The following FSTL5 variants were observed in gnomAD, a reference collection of about 807,000 sequenced individuals.
FSTL5 encodes follistatin-related protein 5.
FSTL5 carries 62 observed loss-of-function variants against 89.1 expected under a neutral mutation model. That is an observed-to-expected ratio of 0.70 (90% CI 0.57 to 0.86). The LOEUF (loss-of-function observed/expected upper bound fraction) is 0.86. Among genes scored for constraint, FSTL5 ranks in the 40% least tolerant of loss-of-function variants. FSTL5 has a pLI of 0.00. For missense variants in FSTL5, 1,057 were observed against 1,001.6 expected (o/e 1.06, Z -0.75); for synonymous variants, 383 against 346.2 (o/e 1.11, Z -1.18).
chr4:161,823,672 A>T (rs1018596613), intron 4 of FSTL5, among the ~76,000 whole-genome samples: 2 of 152,146 alleles, frequency 1.3e-5, no homozygotes, highest in African/African-American at 4.8e-5. Flanking sequence ...CTGCCCTGCA[A>T]ACTTGGTAGG....
intron 3 of FSTL5, among the ~76,000 whole-genome samples, chr4:161,945,289 G>C (rs1578881868): frequency 6.6e-6 from 1 of 152,152 alleles, no homozygotes; most frequent in Non-Finnish European, 1.5e-5. Context: ...TTGTAAAGTT[G>C]TTTTGTGAAA....
intron 6 of FSTL5, among the ~76,000 whole-genome samples, chr4:161,684,560 A>G (rs1166993130): frequency 6.6e-6 from 1 of 152,118 alleles, no homozygotes; most frequent in Non-Finnish European, 1.5e-5. Flanking sequence ...GTCTATTTGC[A>G]TATCTTCTTT....
At chr4:162,031,066 C>A (rs1237970864) in intron 3 of FSTL5, among the ~76,000 whole-genome samples, 1 of 152,110 alleles carries the variant, frequency 6.6e-6, no homozygotes, top group African/African-American at 2.4e-5. Flanking sequence ...TGGTAGTTGA[C>A]CCTTACTTTC....
At chr4:161,944,913 GC>G (rs1237697189) in intron 3 of FSTL5, among the ~76,000 whole-genome samples, 1 of 150,964 alleles carries the variant, frequency 6.6e-6, no homozygotes, top group Admixed American at 6.6e-5. Flanking sequence ...ATATTCAAAG[GC>G]CCCTTAATAA....
chr4:162,011,372 G>C (rs1162038475), intron 3 of FSTL5, among the ~76,000 whole-genome samples: 1 of 152,084 alleles, frequency 6.6e-6, no homozygotes, highest in African/African-American at 2.4e-5. Context: ...AGAGCATATG[G>C]TTTAACATAT....
intron 8 of FSTL5, among the ~76,000 whole-genome samples, chr4:161,544,417 C>T (rs78017426): frequency 0.064 from 9,689 of 151,926 alleles, 975 homozygotes; most frequent in African/African-American, 0.22. Flanking sequence ...ATTTATAAAA[C>T]GTTCACAATG....
chr4:161,701,223 C>G (rs776678260), intron 6 of FSTL5, among the ~76,000 whole-genome samples: 12 of 152,102 alleles, frequency 7.9e-5, no homozygotes, highest in African/African-American at 2.9e-4. Context: ...CATCCTATGC[C>G]TATGCATAAT....
chr4:161,555,859 A>G (rs1560951616), intron 8 of FSTL5, among the ~76,000 whole-genome samples: 2 of 151,594 alleles, frequency 1.3e-5, no homozygotes, highest in African/African-American at 2.4e-5. Flanking sequence ...ACTTAATAAG[A>G]GGAACAGAAA....
intron 4 of FSTL5, among the ~76,000 whole-genome samples, chr4:161,829,533 C>A (rs768195370): frequency 2.4e-4 from 37 of 151,820 alleles, no homozygotes; most frequent in Admixed American, 2.6e-4. Context: ...CATTTCACTT[C>A]AAAATTGTCT....
intron 1 of FSTL5, among the ~76,000 whole-genome samples, chr4:162,146,689 C>G (rs1733003201): frequency 7.4e-6 from 1 of 134,566 alleles, no homozygotes; most frequent in Admixed American, 7.6e-5. Context: ...CCTTCCCTTC[C>G]CTTCCCTTCC....
chr4:161,619,944 G>A (rs1474437406), intron 7 of FSTL5, among the ~76,000 whole-genome samples: 3 of 151,994 alleles, frequency 2.0e-5, no homozygotes, highest in Non-Finnish European at 2.9e-5. Context: ...CAACCCAAAT[G>A]TCCAACAACG....
At chr4:161,478,261 G>T (rs1729364263) in intron 13 of FSTL5, among the ~76,000 whole-genome samples, 1 of 152,026 alleles carries the variant, frequency 6.6e-6, no homozygotes, top group Non-Finnish European at 1.5e-5. Context: ...ACTTATTGAT[G>T]ATAGTTCCTC....
chr4:161,887,424 TATC>T (rs376180898), intron 4 of FSTL5, among the ~76,000 whole-genome samples: 986 of 30,192 alleles, frequency 0.033, 5 homozygotes, highest in East Asian at 0.13. Context: ...TCTATCTATC[TATC>T]ATCTATCTAC....
At chr4:161,898,620 G>A (rs1439897827) in intron 4 of FSTL5, among the ~76,000 whole-genome samples, 1 of 146,442 alleles carries the variant, frequency 6.8e-6, no homozygotes, top group Non-Finnish European at 1.5e-5. Flanking sequence ...TTTGGCATCT[G>A]TATTATATTC....
chr4:161,775,914 G>T lies in FSTL5; in HGVS notation c.570C>A (p.Asp190Glu). 1 of 1,595,480 alleles carries T rather than the reference G, an allele frequency of 6.3e-7. No homozygotes were observed. The highest frequency in any genetic ancestry group is 1.7e-5 in the Admixed American group (1 of 57,300). ...CATTAATATCTACAAGTCCATTACT[G>T]TCTGCATCAAAATATTTAAACATTT... The part of the protein sequence containing the change: ...VDQMFKYFDA[D>E]SNGLVDINEL... Residue 190 changes from aspartate (D) to glutamate (E), a missense_variant, in exon 5 of 16, where the codon GAC becomes GAA. Physicochemically the swap from Asp to Glu is conservative, Grantham distance 45. Transcript: ENST00000306100.
intron 6 of FSTL5, among the ~76,000 whole-genome samples, chr4:161,672,515 T>A (rs1451434730): frequency 1.3e-5 from 2 of 152,106 alleles, no homozygotes; most frequent in Non-Finnish European, 2.9e-5. Flanking sequence ...TTCTCCAACA[T>A]TCATTTCATT....
At chr4:161,740,148 T>C (rs965137669) in intron 6 of FSTL5, among the ~76,000 whole-genome samples, 1 of 152,000 alleles carries the variant, frequency 6.6e-6, no homozygotes, top group Non-Finnish European at 1.5e-5. Flanking sequence ...GCCTCCTGAA[T>C]AGCTGGGATT....
At position 161,840,826 on chromosome 4, in the gene FSTL5, C is replaced by T. The variant is rs111786397; in HGVS notation, c.410-64752G>A. Among the ~76,000 whole-genome samples, 705 of 152,222 alleles carry T rather than the reference C, an allele frequency of 4.6e-3. 6 individuals are homozygous for T. Among genetic ancestry groups the T allele is most frequent in the African/African-American group, 0.016 (658 of 41,534 alleles). ...GTATGAATGAAATGACTCTGAGAAG[C>T]TGCCTTTTCGTCTGACTTCTGGTAG... is the stretch of plus-strand genomic sequence containing the variant. On this transcript the variant is annotated intron_variant, in intron 4 of 15. Coordinates refer to ENST00000306100, the MANE Select transcript of FSTL5 (RefSeq NM_020116.5).
chr4:161,859,019 G>C (rs76417970), intron 4 of FSTL5, among the ~76,000 whole-genome samples: 6,028 of 152,224 alleles, frequency 0.04, 178 homozygotes, highest in Middle Eastern at 0.13. Context: ...CGTCTTATGT[G>C]GTCCTGGTCA....
Sources: gnomAD v4.1 joint callset for allele counts (sites outside exome capture counted in the v4.1 genomes callset) on GRCh38, gnomAD v4.1.1 for gene constraint, MANE v1.5 for transcripts, NCBI Gene and HGNC (gene_info 2026-07-23, HGNC 2026-07-21) for gene names.